Variants in PXK observed in about 807,000 individuals in gnomAD.
PXK encodes PX domain-containing protein kinase-like protein.
A neutral mutation model predicts 84.7 loss-of-function variants in PXK; 35 were observed. The observed-to-expected ratio is 0.41, with a 90% confidence interval of 0.32 to 0.55. The LOEUF (loss-of-function observed/expected upper bound fraction) is 0.55, where lower values mean the gene tolerates loss of function less well. PXK is among the 20% of genes least tolerant of loss of function. The pLI is 0.21. For synonymous variants in PXK, 253 were observed against 260.8 expected, an observed-to-expected ratio of 0.97 and a Z score of 0.29; for missense variants, 634 against 699.7, an observed-to-expected ratio of 0.91 and a Z score of 1.06.
At position 58,421,581 on chromosome 3, in the gene PXK, GA is replaced by G. The variant is rs1560156308; in HGVS notation, c.1529-3164del. On this transcript the variant is annotated intron_variant, in intron 17 of 17. Transcript: ENST00000356151. This position sits in a 1 kb window ranked among gnomAD's most constrained non-coding sequence, Gnocchi z 5.5. ...GGCAACAGAGCGAGACTCCATCTCA[GA>G]AAAAAAGGAACTGGAGGGAGGGACC... The G allele has an allele frequency of 3.0e-6, 3 of 987,448 alleles. No individual in the cohort carries two copies. The highest frequency in any genetic ancestry group is 2.4e-6 in the Non-Finnish European group (2 of 829,746). 61.2% of individuals were successfully genotyped at this position (987,448 alleles called of 1,614,324 possible).
chr3:58,407,664 T>TG lies in PXK; in HGVS notation c.1231-1259dup, dbSNP rs2059597478. ...CAACCTCCGCCCTCCCAGGTTCAAGTGATCTTCCTGCCTCAGCCTCCCAAG... is the reference window on the plus strand; with the variant it reads ...CAACCTCCGCCCTCCCAGGTTCAAGTGGATCTTCCTGCCTCAGCCTCCCAAG... On this transcript the variant is annotated intron_variant, in intron 13 of 17. Transcript: ENST00000356151. The surrounding 1 kb of genome is among the most constrained non-coding windows in gnomAD (Gnocchi z 4.3). Among the ~76,000 whole-genome samples the TG allele has an allele frequency of 6.6e-6, 1 of 152,098 alleles. No individual in the cohort carries two copies. The highest frequency in any genetic ancestry group is 2.4e-5 in the African/African-American group (1 of 41,424).
At chr3:58,396,945 T>A in intron 9 of PXK, 94 bp from the exon 10 acceptor site, 1 of 1,350,982 alleles carries the variant, frequency 7.4e-7, no homozygotes, top group East Asian at 2.3e-5. Context: ...TGTTTGGTTT[T>A]GTTTCAAAAT....
At chr3:58,357,444 G>A (rs143339937) in intron 1 of PXK, among the ~76,000 whole-genome samples, 40 of 152,180 alleles carry the variant, frequency 2.6e-4, no homozygotes, top group Non-Finnish European at 4.7e-4. Flanking sequence ...AATGCCTTCT[G>A]GACACCTCCT....
chr3:58,382,886 G>A (rs1386652731), intron 4 of PXK, among the ~76,000 whole-genome samples, 186 bp downstream of exon 4: 1 of 152,250 alleles, frequency 6.6e-6, no homozygotes, highest in Admixed American at 6.5e-5. Flanking sequence ...AAGAAAATAA[G>A]TTACTTCCAA....
intron 17 of PXK, among the ~76,000 whole-genome samples, chr3:58,417,490 T>C (rs531627189): frequency 6.6e-6 from 1 of 152,302 alleles, no homozygotes; most frequent in African/African-American, 2.4e-5. Flanking sequence ...GCTTCTTCTC[T>C]GGGGGCTCCT....
At position 58,409,289 on chromosome 3, in the gene PXK, A is replaced by G. The variant is rs2059838870; in HGVS notation, c.1309-243A>G. The stretch of plus-strand genomic sequence containing the variant: ...GGGCATGCATGGTCCATGCTGTCTC[A>G]CCACATTCTTCTTCTGTAAAAGAGG... On this transcript the variant is annotated intron_variant, in intron 14 of 17. Coordinates refer to ENST00000356151, the MANE Select transcript of PXK (RefSeq NM_017771.5). The surrounding 1 kb of genome is among the most constrained non-coding windows in gnomAD (Gnocchi z 4.2). 6.6e-6 allele frequency among the ~76,000 whole-genome samples: 1 copy of G among 152,106 alleles called. No homozygotes were observed. The highest frequency in any genetic ancestry group is 2.4e-5 in the African/African-American group (1 of 41,408).
chr3:58,380,376 T>C (rs2098485991), intron 3 of PXK, among the ~76,000 whole-genome samples: 1 of 150,200 alleles, frequency 6.7e-6, no homozygotes, highest in South Asian at 2.1e-4. Flanking sequence ...GAGGCGACAG[T>C]GGGCTATGAT....
At chr3:58,420,712 T>C in intron 17 of PXK, 1 of 1,468,834 alleles carries the variant, frequency 6.8e-7, no homozygotes, top group Non-Finnish European at 9.0e-7. Flanking sequence ...AATATTTAAA[T>C]GAAATACAGC....
intron 13 of PXK, among the ~76,000 whole-genome samples, chr3:58,406,216 C>T (rs960618660): frequency 4.6e-5 from 7 of 152,118 alleles, no homozygotes; most frequent in African/African-American, 1.7e-4. Flanking sequence ...ACCTCGGCCT[C>T]CCAAAGTGCT....
chr3:58,423,770 G>GCA (rs2062352122), intron 17 of PXK, among the ~76,000 whole-genome samples: 1 of 151,908 alleles, frequency 6.6e-6, no homozygotes, highest in Non-Finnish European at 1.5e-5. Context: ...ACTAACTGTG[G>GCA]CACAGGAACA....
At chr3:58,341,218 C>G (rs2097724373) in intron 1 of PXK, among the ~76,000 whole-genome samples, 1 of 152,144 alleles carries the variant, frequency 6.6e-6, no homozygotes, top group Non-Finnish European at 1.5e-5. Context: ...GCTCACCTTG[C>G]TGACAACCAC....
At chr3:58,422,049 T>C (rs1016386583) in intron 17 of PXK, 1 of 985,406 alleles carries the variant, frequency 1.0e-6, no homozygotes, top group African/African-American at 1.7e-5. Context: ...ACAGGCCAAA[T>C]GGTAACTTTC....
intron 9 of PXK, among the ~76,000 whole-genome samples, chr3:58,396,444 A>G (rs987092034): frequency 1.3e-5 from 2 of 152,144 alleles, no homozygotes; most frequent in African/African-American, 4.8e-5. Context: ...CTTGCCTATC[A>G]CTGCTCTAGT....
At chr3:58,419,708 A>G (rs1197137390) in intron 17 of PXK, among the ~76,000 whole-genome samples, 1 of 152,212 alleles carries the variant, frequency 6.6e-6, no homozygotes, top group African/African-American at 2.4e-5. Flanking sequence ...TTGGGGAACA[A>G]TGGTACTGAG....
At position 58,349,987 on chromosome 3, in the gene PXK, A is replaced by G. The variant is rs574789056; in HGVS notation, c.103-15887A>G. On this transcript the variant is annotated intron_variant, in intron 1 of 17. Transcript: ENST00000356151. ...TTTTAAGAGTAACACACAGGAAGGAAGCTCACTGAGGTGCAACCGTTATTA... is the reference window on the plus strand; with the variant it reads ...TTTTAAGAGTAACACACAGGAAGGAGGCTCACTGAGGTGCAACCGTTATTA... Among the ~76,000 whole-genome samples, 21 of 152,306 alleles carry G rather than the reference A, an allele frequency of 1.4e-4. No individual in the cohort carries two copies. The South Asian group carries it at 4.4e-3, about 32-fold the overall frequency.
At chr3:58,381,326 G>A (rs1414493446) in intron 3 of PXK, among the ~76,000 whole-genome samples, 2 of 151,878 alleles carry the variant, frequency 1.3e-5, no homozygotes, top group African/African-American at 4.8e-5. Flanking sequence ...AATGAATGTA[G>A]GGGATACAAA....
At chr3:58,408,129 C>T (rs1182041330) in intron 13 of PXK, among the ~76,000 whole-genome samples, 1 of 152,190 alleles carries the variant, frequency 6.6e-6, no homozygotes, top group African/African-American at 2.4e-5. Context: ...AATACACTGT[C>T]CTTTCCCCCA....
At chr3:58,382,947 T>TA (rs1470728704) in intron 4 of PXK, among the ~76,000 whole-genome samples, 1 of 152,214 alleles carries the variant, frequency 6.6e-6, no homozygotes, top group East Asian at 1.9e-4. Context: ...TTATTGTATG[T>TA]ATACTTATAC....
At chr3:58,355,577 AC>A (rs1485313684) in intron 1 of PXK, among the ~76,000 whole-genome samples, 1 of 152,242 alleles carries the variant, frequency 6.6e-6, no homozygotes, top group African/African-American at 2.4e-5. Context: ...AAACCGAGGT[AC>A]CTTTGAGTAC....
Sources: allele counts gnomAD v4.1 joint callset (sites outside exome capture counted in the v4.1 genomes callset), GRCh38; gene constraint gnomAD v4.1.1; non-coding constraint Gnocchi (gnomAD v3.1); transcripts MANE v1.5; gene names NCBI Gene and HGNC (gene_info 2026-07-23, HGNC 2026-07-21).